Variants in NKD2 observed in about 807,000 individuals in gnomAD.
The protein encoded by NKD2 is protein naked cuticle homolog 2.
NKD2 carries 43 observed loss-of-function variants against 34.8 expected under a neutral mutation model. The observed-to-expected ratio is 1.24, with a 90% CI of 0.97 to 1.60. The LOEUF is 1.60. NKD2 is among the 40% of genes most tolerant of loss of function. The pLI, the probability that NKD2 is intolerant of heterozygous loss-of-function variation, is 0.00. For synonymous variants in NKD2, 278 were observed against 265.1 expected, an observed-to-expected ratio of 1.05 and a Z score of -0.47; for missense variants, 675 against 627.1, an observed-to-expected ratio of 1.08 and a Z score of -0.82.
chr5:1,035,244 G>A, intron 7 of NKD2, 145 bp from the exon 8 acceptor site: 1 of 711,880 alleles, frequency 1.4e-6, no homozygotes, highest in Admixed American at 2.3e-5. Context: ...ATGAATGAGT[G>A]AACAAGTGAG....
chr5:1,014,958 C>G (rs920073257), intron 3 of NKD2, among the ~76,000 whole-genome samples: 4 of 152,196 alleles, frequency 2.6e-5, no homozygotes, highest in Admixed American at 6.5e-5. Flanking sequence ...CGGCTTCGGA[C>G]CCGGTGCTGC....
At chr5:1,036,092 T>C (rs926530807) in intron 8 of NKD2, 165 bp from the exon 9 acceptor site, 3 of 1,341,142 alleles carry the variant, frequency 2.2e-6, no homozygotes, top group Non-Finnish European at 2.9e-6. Flanking sequence ...TGGACGGCAC[T>C]TGACTGTCTG....
chr5:1,033,424 C>T lies in NKD2; in HGVS notation c.255C>T (p.Leu85=), dbSNP rs948633858. 10 of 1,590,034 alleles carry T rather than the reference C, an allele frequency of 6.3e-6. No homozygotes were observed. The highest frequency in any genetic ancestry group is 8.6e-6 in the Non-Finnish European group (10 of 1,168,988). ...GCCGCGAGCACCCGGGACAACTCCTCAGCGCAGATGACGGAGAGAGGGCAG... is the reference window on the plus strand; with the variant it reads ...GCCGCGAGCACCCGGGACAACTCCTTAGCGCAGATGACGGAGAGAGGGCAG... ...AEGREHPGQL[L]SADDGERAAN... is the part of the protein sequence containing the mutation. Residue 85 remains leucine, a synonymous_variant, in exon 5 of 10, where the codon CTC becomes CTT. Coordinates refer to ENST00000296849, the MANE Select transcript of NKD2 (RefSeq NM_033120.4).
chr5:1,034,727 C>CT (rs768567297), intron 6 of NKD2, 29 bp from the exon 7 acceptor site: 2 of 1,600,590 alleles, frequency 1.2e-6, no homozygotes, highest in African/African-American at 2.7e-5. Flanking sequence ...GGGGTCTGCT[C>CT]TGTCAGTGAA....
intron 8 of NKD2, chr5:1,035,868 G>T (rs76934447): frequency 1.3e-5 from 5 of 374,870 alleles, no homozygotes; most frequent in African/African-American, 8.3e-5. Context: ...GCTAAGGGTG[G>T]CTGGGGTAGT....
intron 3 of NKD2, among the ~76,000 whole-genome samples, chr5:1,015,892 C>T (rs988875189): frequency 1.3e-5 from 2 of 152,178 alleles, no homozygotes; most frequent in Admixed American, 6.5e-5. Context: ...GGAGGGGTCC[C>T]GAGCCCAGGA....
intron 3 of NKD2, among the ~76,000 whole-genome samples, chr5:1,012,121 C>A (rs780575055): frequency 6.6e-6 from 1 of 152,272 alleles, no homozygotes; most frequent in Admixed American, 6.5e-5. Context: ...TGCACACTCA[C>A]CCTCACCATC....
At chr5:1,026,196 T>TA (rs761433361) in intron 3 of NKD2, among the ~76,000 whole-genome samples, 1 of 39,000 alleles carries the variant, frequency 2.6e-5, no homozygotes, top group Non-Finnish European at 6.6e-5. Context: ...TCCCACCCTC[T>TA]GTGGGCGTCT....
Position 1,035,284 on chromosome 5 carries a change from TAATG to T in NKD2, c.575-91_575-88del, listed in dbSNP as rs70957314. 244 of 745,310 alleles carry T rather than the reference TAATG, an allele frequency of 3.3e-4. 2 individuals are homozygous for T. The East Asian group carries it at 3.6e-3, about 11-fold the overall frequency. The allele number at this position is 745,310 out of a possible 1,614,324, so 46.2% of individuals were successfully genotyped here. ...TTAATGAATGAGTGAACCAGTGAGT[TAATG>T]AATGAATGAATGAGTGAGTGAGTTA... is the stretch of plus-strand genomic sequence containing the variant. On this transcript the variant is annotated intron_variant, in intron 7 of 9. Coordinates refer to ENST00000296849, the MANE Select transcript of NKD2 (RefSeq NM_033120.4).
intron 5 of NKD2, 198 bp from the exon 6 acceptor site, chr5:1,034,037 C>T (rs1733665969): frequency 1.7e-6 from 1 of 594,324 alleles, no homozygotes; most frequent in East Asian, 2.8e-5. Context: ...TGGGTCCCCC[C>T]AAGAAGGGCT....
chr5:1,038,141 C>A lies in NKD2; in HGVS notation c.1124C>A (p.Pro375His), dbSNP rs1477998961. 1 of 1,587,946 alleles carries A rather than the reference C, an allele frequency of 6.3e-7. No homozygotes were observed. The change falls in exon 10 of 10, where the codon CCC becomes CAC. Residue 375 changes from proline (P) to histidine (H), a missense_variant. Transcript: ENST00000296849. The surrounding 1 kb of genome is among the most constrained non-coding windows in gnomAD (Gnocchi z 4.5). ...CAGGACGGCCACCACCTCCCGCAGC[C>A]CCCACCGCCACCCTACGGCCACAAG... ...APQDGHHLPQ[P>H]PPPPYGHKRY...
At chr5:1,015,107 CG>C (rs1157529631) in intron 3 of NKD2, among the ~76,000 whole-genome samples, 2 of 152,216 alleles carry the variant, frequency 1.3e-5, no homozygotes, top group Non-Finnish European at 2.9e-5. Flanking sequence ...CAGGTGTGGC[CG>C]GGCCCCTTCC....
Position 1,008,987 on chromosome 5 carries a change from G to A in NKD2, c.-71G>A, listed in dbSNP as rs1755634643. 14 of 416,574 alleles carry A rather than the reference G, an allele frequency of 3.4e-5. No individual in the cohort carries two copies. The East Asian group carries it at 5.1e-4, about 15-fold the overall frequency. The allele number at this position is 416,574 out of a possible 1,614,324, so 25.8% of individuals were successfully genotyped here. A position where few individuals can be genotyped will look rare whatever the true frequency, so the allele number is the denominator to read the frequency against. ...GCTCCCGGCCCATGCGGCCCCCGCGGGCTCCCGGCCCCGGCTTCAGAACTC... is the reference window on the plus strand; with the variant it reads ...GCTCCCGGCCCATGCGGCCCCCGCGAGCTCCCGGCCCCGGCTTCAGAACTC... On this transcript the variant is annotated 5_prime_UTR_variant, in exon 1 of 10. Coordinates refer to ENST00000296849, the MANE Select transcript of NKD2 (RefSeq NM_033120.4).
intron 3 of NKD2, among the ~76,000 whole-genome samples, chr5:1,030,954 C>CT (rs1756622127): frequency 6.6e-6 from 1 of 152,170 alleles, no homozygotes; most frequent in Non-Finnish European, 1.5e-5. Flanking sequence ...GCAGCGCCAC[C>CT]TTAGTGCCCA....
rs1280555645 is a variant in NKD2, at chr5:1,009,069, G to A, written c.12G>A (p.Leu4=). The A allele has an allele frequency of 7.0e-6, 3 of 430,324 alleles. No individual in the cohort carries two copies. The highest frequency in any genetic ancestry group is 1.2e-5 in the Non-Finnish European group (3 of 245,370). The allele number at this position is 430,324 out of a possible 1,614,324, so 26.7% of individuals were successfully genotyped here. The stretch of plus-strand genomic sequence containing the variant: ...GCGTGGCGGCGGCGATGGGGAAACT[G>A]CAGTCGAAGCACGGTGAGCCGCGGG... MGK[L]QSKHAAAARK... The change falls in exon 1 of 10, where the codon CTG becomes CTA. Residue 4 remains leucine (L), a synonymous_variant. Coordinates refer to ENST00000296849, the MANE Select transcript of NKD2 (RefSeq NM_033120.4). This position sits in a 1 kb window ranked among gnomAD's most constrained non-coding sequence, Gnocchi z 6.9.
intron 3 of NKD2, among the ~76,000 whole-genome samples, chr5:1,012,667 C>A (rs1755799285): frequency 1.3e-5 from 2 of 152,392 alleles, no homozygotes; most frequent in South Asian, 4.1e-4. Context: ...CTGGGCTCAG[C>A]CCCACTACAT....
At position 1,030,022 on chromosome 5, in the gene NKD2, G is replaced by T. The variant is rs2334954; in HGVS notation, c.142-2130G>T. Among the ~76,000 whole-genome samples, 8 of 147,806 alleles carry T rather than the reference G, an allele frequency of 5.4e-5. 1 individual carries two copies. The highest frequency in any genetic ancestry group is 7.6e-5 in the African/African-American group (3 of 39,352). ...TGAGGGGGGATTGTGGTGCGGGGGG[G>T]GGGGTACTGAGAACCCTGGGGGCTT... is the stretch of plus-strand genomic sequence containing the variant. On this transcript the variant is annotated intron_variant, in intron 3 of 9. Transcript: ENST00000296849.
intron 3 of NKD2, among the ~76,000 whole-genome samples, chr5:1,028,065 G>A (rs1303218870): frequency 1.3e-5 from 2 of 152,214 alleles, no homozygotes; most frequent in Non-Finnish European, 2.9e-5. Context: ...TTGAGGTTTT[G>A]TGAGCGTCTC....
At chr5:1,030,015 C>T (rs886649913) in intron 3 of NKD2, among the ~76,000 whole-genome samples, 26 of 97,250 alleles carry the variant, frequency 2.7e-4, no homozygotes, top group Admixed American at 2.2e-3. Context: ...GATTGTGGTG[C>T]GGGGGGGGGG....
Sources: gnomAD v4.1 joint callset for allele counts (sites outside exome capture counted in the v4.1 genomes callset) on GRCh38, gnomAD v4.1.1 for gene constraint, Gnocchi (gnomAD v3.1) non-coding constraint, MANE v1.5 for transcripts, NCBI Gene and HGNC (gene_info 2026-07-23, HGNC 2026-07-21) for gene names.